The following SPON1 variants were observed in gnomAD, a reference collection of about 807,000 sequenced individuals.
SPON1 encodes the protein spondin 1.
A neutral mutation model predicts 111.7 loss-of-function variants in SPON1; 52 were observed. That is an observed-to-expected ratio of 0.47 (90% CI 0.37 to 0.59). The LOEUF is 0.59. SPON1 is among the 20% of genes least tolerant of loss of function. The pLI, the probability that SPON1 is intolerant of heterozygous loss-of-function variation, is 0.00. For synonymous variants in SPON1, 410 were observed against 395.8 expected, an observed-to-expected ratio of 1.04 and a Z score of -0.43; for missense variants, 957 against 1,068.5, an observed-to-expected ratio of 0.90 and a Z score of 1.46.
chr11:14,150,032 C>A (rs1268104301), intron 6 of SPON1, among the ~76,000 whole-genome samples: 1 of 152,082 alleles, frequency 6.6e-6, no homozygotes, highest in Non-Finnish European at 1.5e-5. Flanking sequence ...ATGTTTATTG[C>A]GGCATTATTC....
At chr11:14,027,809 C>T (rs1276386771) in intron 2 of SPON1, among the ~76,000 whole-genome samples, 6 of 152,258 alleles carry the variant, frequency 3.9e-5, no homozygotes, top group Admixed American at 3.9e-4. Flanking sequence ...TTCAATTACT[C>T]ATTTTTAGTA....
At chr11:14,258,856 T>C (rs1554941529) in intron 11 of SPON1, among the ~76,000 whole-genome samples, 1 of 152,168 alleles carries the variant, frequency 6.6e-6, no homozygotes, top group Non-Finnish European at 1.5e-5. Flanking sequence ...TTGAAGCCTC[T>C]TTCTTGGGGC....
intron 5 of SPON1, among the ~76,000 whole-genome samples, chr11:14,084,683 C>T (rs1210890049): frequency 3.9e-4 from 60 of 152,252 alleles, no homozygotes; most frequent in African/African-American, 1.3e-3. Context: ...ATCACTAGGT[C>T]GAATGGCATT....
chr11:14,091,620 G>A (rs1412767377), intron 5 of SPON1, among the ~76,000 whole-genome samples: 1 of 152,172 alleles, frequency 6.6e-6, no homozygotes, highest in Admixed American at 6.5e-5. Context: ...CGCCTGCTCC[G>A]AGTGCGGAGC....
At chr11:14,224,738 G>A in intron 6 of SPON1, 1 of 505,598 alleles carries the variant, frequency 2.0e-6, no homozygotes, top group Non-Finnish European at 3.9e-6. Flanking sequence ...ATACACATAA[G>A]GGTGAAAGAC....
At chr11:13,992,118 C>A (rs1031138549) in intron 2 of SPON1, among the ~76,000 whole-genome samples, 2 of 152,244 alleles carry the variant, frequency 1.3e-5, no homozygotes, top group African/African-American at 2.4e-5. Flanking sequence ...CTCTTCAGAG[C>A]CATCAGGCAG....
At chr11:13,968,465 G>T (rs569833522) in intron 1 of SPON1, among the ~76,000 whole-genome samples, 1 of 152,142 alleles carries the variant, frequency 6.6e-6, no homozygotes, top group East Asian at 1.9e-4. Flanking sequence ...CACAATGACT[G>T]TTGAAAATTT....
At chr11:14,114,242 CTCTATG>C (rs1379170982) in intron 5 of SPON1, among the ~76,000 whole-genome samples, 1 of 152,170 alleles carries the variant, frequency 6.6e-6, no homozygotes, top group Non-Finnish European at 1.5e-5. Context: ...CATCCTTCAA[CTCTATG>C]TCTATGAGTT....
chr11:14,236,567 C>T (rs868965014), intron 6 of SPON1, among the ~76,000 whole-genome samples: 1 of 152,268 alleles, frequency 6.6e-6, no homozygotes, highest in Middle Eastern at 3.4e-3. Flanking sequence ...TCAGCATATA[C>T]ACAGTTGGCT....
intron 1 of SPON1, among the ~76,000 whole-genome samples, chr11:13,982,064 C>T (rs1848148422): frequency 6.6e-6 from 1 of 152,088 alleles, no homozygotes; most frequent in Non-Finnish European, 1.5e-5. Flanking sequence ...ATAAACAATT[C>T]ATAAGTTTTA....
intron 5 of SPON1, among the ~76,000 whole-genome samples, chr11:14,095,156 G>A (rs1399118361): frequency 1.3e-5 from 2 of 152,130 alleles, no homozygotes; most frequent in African/African-American, 2.4e-5. Flanking sequence ...AGAATTTTAA[G>A]TGGGATTGCA....
intron 2 of SPON1, among the ~76,000 whole-genome samples, chr11:14,033,925 A>T (rs1206888498): frequency 6.6e-6 from 1 of 152,216 alleles, no homozygotes; most frequent in African/African-American, 2.4e-5. Flanking sequence ...TCTCTCCCAA[A>T]GTGACTTTAA....
At chr11:14,120,824 A>G (rs1849299211) in intron 5 of SPON1, among the ~76,000 whole-genome samples, 1 of 152,256 alleles carries the variant, frequency 6.6e-6, no homozygotes, top group Non-Finnish European at 1.5e-5. Context: ...CCGTAACCCC[A>G]TCACAACCAT....
chr11:14,106,413 T>C (rs1241754073), intron 5 of SPON1, among the ~76,000 whole-genome samples: 1 of 152,192 alleles, frequency 6.6e-6, no homozygotes, highest in East Asian at 1.9e-4. Context: ...GCTAGTGTCA[T>C]TTATGTACTT....
At chr11:13,981,021 A>G (rs1437085759) in intron 1 of SPON1, among the ~76,000 whole-genome samples, 1 of 152,240 alleles carries the variant, frequency 6.6e-6, no homozygotes, top group African/African-American at 2.4e-5. Context: ...CCAGGATCTT[A>G]GCACTTTTAT....
At position 14,184,328 on chromosome 11, in the gene SPON1, C is replaced by T. The variant is rs560247717; in HGVS notation, c.825+48760C>T. On this transcript the variant is annotated intron_variant, in intron 6 of 15. Transcript: ENST00000576479. ...CCCTGCAATGCTATCATCATTTTCT[C>T]TTGGTTACCATGATAAATCTTACTA... 2.6e-5 allele frequency among the ~76,000 whole-genome samples: 4 copies of T among 152,316 alleles called. No homozygotes were observed. In the South Asian group the frequency reaches 8.3e-4, roughly 32 times the overall value.
intron 1 of SPON1, among the ~76,000 whole-genome samples, chr11:13,963,738 G>A (rs1023509504): frequency 6.6e-5 from 10 of 152,180 alleles, no homozygotes; most frequent in African/African-American, 2.4e-4. Flanking sequence ...CTCCTCGAAA[G>A]GGTCCTTGGA....
chr11:14,097,174 T>A (rs1554923955), intron 5 of SPON1, among the ~76,000 whole-genome samples: 1 of 152,202 alleles, frequency 6.6e-6, no homozygotes, highest in African/African-American at 2.4e-5. Flanking sequence ...AACACTAGGC[T>A]GTCATCTAAC....
chr11:14,051,423 C>G lies in SPON1; in HGVS notation c.479+9769C>G, dbSNP rs562937722. 2.8e-4 allele frequency among the ~76,000 whole-genome samples: 42 copies of G among 152,082 alleles called. No individual in the cohort carries two copies. The East Asian group carries it at 6.6e-3, about 24-fold the overall frequency. On this transcript the variant is annotated intron_variant, in intron 3 of 15. Coordinates refer to ENST00000576479, the MANE Select transcript of SPON1 (RefSeq NM_006108.4). Reference sequence around the variant, plus strand: ...TGCTGGTGAGAGCCTATAGTCCCAGCTACTCAGGAGACTAAGGTGGGAGGA... The same window carrying G: ...TGCTGGTGAGAGCCTATAGTCCCAGGTACTCAGGAGACTAAGGTGGGAGGA...
Sources: allele counts gnomAD v4.1 joint callset (sites outside exome capture counted in the v4.1 genomes callset), GRCh38; gene constraint gnomAD v4.1.1; transcripts MANE v1.5; gene names NCBI Gene and HGNC (gene_info 2026-07-23, HGNC 2026-07-21).